IL19: variants seen among roughly 807,000 people sequenced by gnomAD.
The protein encoded by IL19 is interleukin 19, also known as interleukin-19.
Under a neutral mutation model 19.5 loss-of-function variants are expected in IL19, and 15 were observed. The ratio of observed to expected loss-of-function variants is 0.77; its 90% CI spans 0.52 to 1.19. The LOEUF is 1.19. Among genes scored for constraint, IL19 ranks in the 50% most tolerant of loss-of-function variants. The pLI, the probability that IL19 is intolerant of heterozygous loss-of-function variation, is 0.00. For missense variants in IL19, 199 were observed against 213.1 expected, an observed-to-expected ratio of 0.93 and a Z score of 0.41; for synonymous variants, 78 against 78.3, an observed-to-expected ratio of 1.00 and a Z score of 0.02.
chr1:206,781,970 T>TA (rs61095201), intron 1 of IL19, among the ~76,000 whole-genome samples: 4,695 of 24,774 alleles, frequency 0.19, 659 homozygotes, highest in Admixed American at 0.26. Flanking sequence ...TATATGTATA[T>TA]GTTATATATA....
chr1:206,807,998 T>A (rs977097019), intron 2 of IL19, among the ~76,000 whole-genome samples: 2 of 152,206 alleles, frequency 1.3e-5, no homozygotes, highest in African/African-American at 2.4e-5. Flanking sequence ...ATAAACACAT[T>A]CATTATATAG....
chr1:206,776,780 T>C (rs1298700365), intron 1 of IL19, among the ~76,000 whole-genome samples: 1 of 151,916 alleles, frequency 6.6e-6, no homozygotes, highest in Non-Finnish European at 1.5e-5. Context: ...ATCTATCGCC[T>C]GAGAGCACAG....
At chr1:206,834,589 G>A (rs190882405) in intron 2 of IL19, among the ~76,000 whole-genome samples, 26 of 152,340 alleles carry the variant, frequency 1.7e-4, no homozygotes, top group East Asian at 3.9e-4. Flanking sequence ...TATTTTCAAC[G>A]AGAAGAGATA....
At chr1:206,816,386 G>A (rs1676157205) in intron 2 of IL19, among the ~76,000 whole-genome samples, 1 of 152,162 alleles carries the variant, frequency 6.6e-6, no homozygotes, top group South Asian at 2.1e-4. Context: ...AAAGCTGGGA[G>A]TGAAGAAACG....
chr1:206,791,456 T>G (rs970041160), intron 1 of IL19, among the ~76,000 whole-genome samples: 2 of 152,074 alleles, frequency 1.3e-5, no homozygotes, highest in Admixed American at 6.5e-5. Flanking sequence ...GCGCCGGCCA[T>G]CATGCCCAGC....
At chr1:206,772,368 C>T in intron 1 of IL19, 2 of 1,614,142 alleles carry the variant, frequency 1.2e-6, no homozygotes, top group Non-Finnish European at 1.7e-6. Flanking sequence ...AGACTGGGTG[C>T]CCTGGCCTGG....
intron 2 of IL19, among the ~76,000 whole-genome samples, chr1:206,836,103 T>G (rs925999789): frequency 2.6e-5 from 4 of 152,214 alleles, no homozygotes; most frequent in Non-Finnish European, 4.4e-5. Context: ...GCCTTGTGCC[T>G]CCCTTTCCCA....
chr1:206,785,165 G>T (rs1675241160), intron 1 of IL19, among the ~76,000 whole-genome samples: 1 of 152,208 alleles, frequency 6.6e-6, no homozygotes, highest in South Asian at 2.1e-4. Flanking sequence ...GAATACTCGG[G>T]TCATGCAGGC....
chr1:206,810,184 A>G (rs1461563608), intron 2 of IL19, among the ~76,000 whole-genome samples: 1 of 152,224 alleles, frequency 6.6e-6, no homozygotes, highest in Non-Finnish European at 1.5e-5. Context: ...AGGGTGTTAG[A>G]CCAAGGAGGA....
rs377082705 is a variant in IL19, at chr1:206,815,119, G to A, written c.-3+16113G>A. On this transcript the variant is annotated intron_variant, in intron 2 of 6. Transcript: ENST00000659997. ...CATATGGCTGAGGCTGGCTCTCTGG[G>A]AGCTCTGCCAGAGCAGTGGGCTGTG... 1.1e-3 allele frequency among the ~76,000 whole-genome samples: 160 copies of A among 152,270 alleles called. 1 individual carries two copies. Among genetic ancestry groups the A allele is most frequent in the Middle Eastern group, 0.01 (3 of 294 alleles).
At chr1:206,791,272 G>A (rs1675395573) in intron 1 of IL19, among the ~76,000 whole-genome samples, 2 of 151,072 alleles carry the variant, frequency 1.3e-5, no homozygotes, top group Non-Finnish European at 2.9e-5. Context: ...CAGCAGCTCT[G>A]CTGCTGGGTA....
rs2243178 is a variant in IL19, at chr1:206,839,537, G to A, written c.211-313G>A. Among the ~76,000 whole-genome samples the A allele has an allele frequency of 6.6e-3, 1,005 of 152,330 alleles. 8 individuals are homozygous for A. Among genetic ancestry groups the A allele is most frequent in the Middle Eastern group, 0.017 (5 of 294 alleles). ...GCAACTGGTTCCTGGAAAGATTTCA[G>A]TGGAAGTTAGTGATGACACGCTAGG... is the stretch of plus-strand genomic sequence containing the variant. On this transcript the variant is annotated intron_variant, in intron 4 of 6. Coordinates refer to ENST00000659997, the MANE Select transcript of IL19 (RefSeq NM_153758.5).
chr1:206,793,683 T>G (rs1675457418), intron 1 of IL19, among the ~76,000 whole-genome samples: 1 of 152,086 alleles, frequency 6.6e-6, no homozygotes, highest in South Asian at 2.1e-4. Flanking sequence ...GCCTGGAACC[T>G]CAAACAACAG....
At chr1:206,821,998 T>C (rs1199110258) in intron 2 of IL19, among the ~76,000 whole-genome samples, 7 of 152,198 alleles carry the variant, frequency 4.6e-5, no homozygotes, top group African/African-American at 1.7e-4. Context: ...CAGAGTTCTC[T>C]CGTCATGTCC....
At chr1:206,773,312 C>T (rs1364403878) in intron 1 of IL19, among the ~76,000 whole-genome samples, 1 of 152,214 alleles carries the variant, frequency 6.6e-6, no homozygotes, top group Non-Finnish European at 1.5e-5. Context: ...TACAAGGGTA[C>T]ACCAGTGCCA....
rs2243193 is a variant in IL19, at chr1:206,842,880, A to G, written c.*258A>G. On this transcript the variant is annotated 3_prime_UTR_variant, in exon 7 of 7. Coordinates refer to ENST00000659997, the MANE Select transcript of IL19 (RefSeq NM_153758.5). ...GCTGCCTTCCCATCTAATTTATTGT[A>G]AAGTCATATAGTCCATGTCTGTGAT... 264,926 of 383,218 alleles carry G rather than the reference A, an allele frequency of 0.69. 94,916 individuals carry two copies. Among genetic ancestry groups the G allele is most frequent in the Non-Finnish European group, 0.76 (159,280 of 209,020 alleles). 23.7% of individuals were successfully genotyped at this position (383,218 alleles called of 1,614,324 possible). A position where few individuals can be genotyped will look rare whatever the true frequency, so the allele number is the denominator to read the frequency against.
Position 206,839,840 on chromosome 1 carries a change from G to C in IL19, c.211-10G>C, listed in dbSNP as rs1389514085. On this transcript the variant is annotated splice_polypyrimidine_tract_variant and intron_variant, in intron 4 of 6. Coordinates refer to ENST00000659997, the MANE Select transcript of IL19 (RefSeq NM_153758.5). Reference sequence around the variant, plus strand: ...GAGGCCTCTAGTGTTTCCCTAATTTGTGTTTGTAGCCCTTAGATGTGTGCT... The same window carrying C: ...GAGGCCTCTAGTGTTTCCCTAATTTCTGTTTGTAGCCCTTAGATGTGTGCT... The C allele has an allele frequency of 6.2e-7, 1 of 1,603,520 alleles. No homozygotes were observed. Among genetic ancestry groups the C allele is most frequent in the Admixed American group, 1.7e-5 (1 of 58,832 alleles).
intron 2 of IL19, among the ~76,000 whole-genome samples, chr1:206,835,062 T>C (rs942222209): frequency 1.1e-4 from 16 of 152,222 alleles, no homozygotes; most frequent in Non-Finnish European, 1.9e-4. Context: ...TACTTACTAC[T>C]AATATCTGAA....
rs775582029 is a variant in IL19 at position 206,836,799 on chromosome 1, G to C, written c.137G>C (p.Arg46Thr). The part of the protein sequence containing the change: ...HIEESFQEIK[R>T]AIQAKDTFPN... ...GAAGAGAGTTTCCAAGAAATCAAAA[G>C]AGCCATCGTGAGTATGGGTTGGTGT... The change falls in exon 3 of 7, where the codon AGA (arginine) becomes ACA (threonine). Residue 46 changes from arginine (R) to threonine (T), a missense_variant. Physicochemically the swap from Arg to Thr is moderately conservative, Grantham distance 71. Transcript: ENST00000659997. 1.2e-6 allele frequency: 2 copies of C among 1,613,998 alleles called. No homozygotes were observed. The highest frequency in any genetic ancestry group is 1.3e-5 in the African/African-American group (1 of 74,920).
Sources: gnomAD v4.1 joint callset for allele counts (sites outside exome capture counted in the v4.1 genomes callset) on GRCh38, gnomAD v4.1.1 for gene constraint, MANE v1.5 for transcripts, NCBI Gene and HGNC (gene_info 2026-07-23, HGNC 2026-07-21) for gene names.